Variants in ARL6 observed in about 807,000 individuals in gnomAD.
ARL6 encodes ARF like GTPase 6, also known as ADP-ribosylation factor-like protein 6.
ARL6 carries 18 observed loss-of-function variants against 27.1 expected under a neutral mutation model. The observed-to-expected ratio is 0.66, with a 90% CI of 0.46 to 0.98. The LOEUF (loss-of-function observed/expected upper bound fraction) is 0.98. Ranked by LOEUF, ARL6 falls within the 50% of genes least tolerant of loss-of-function variation. The pLI is 0.00. For missense variants in ARL6, 187 were observed against 214.9 expected (o/e 0.87, Z 0.81); for synonymous variants, 65 against 72.3 (o/e 0.90, Z 0.51).
At chr3:97,774,519 C>T (rs943673127) in intron 2 of ARL6, among the ~76,000 whole-genome samples, 2 of 151,986 alleles carry the variant, frequency 1.3e-5, no homozygotes, top group African/African-American at 4.8e-5. Flanking sequence ...GGGATGTTGC[C>T]ACTACTGGGA....
intron 6 of ARL6, among the ~76,000 whole-genome samples, chr3:97,789,133 C>T (rs2037601820): frequency 6.6e-6 from 1 of 152,080 alleles, no homozygotes; most frequent in African/African-American, 2.4e-5. Flanking sequence ...TGACACTTTC[C>T]AGTATTCAGA....
At chr3:97,771,816 A>G (rs1424884156) in intron 2 of ARL6, among the ~76,000 whole-genome samples, 1 of 152,128 alleles carries the variant, frequency 6.6e-6, no homozygotes, top group Non-Finnish European at 1.5e-5. Flanking sequence ...CCTTGATACT[A>G]TTAATCTTAT....
chr3:97,774,162 A>G (rs550037824), intron 2 of ARL6, among the ~76,000 whole-genome samples: 1 of 152,186 alleles, frequency 6.6e-6, no homozygotes, highest in East Asian at 1.9e-4. Context: ...TAGCTTGTTG[A>G]CTTAAAGGTA....
intron 2 of ARL6, among the ~76,000 whole-genome samples, chr3:97,774,364 G>GT (rs202022357): frequency 0.038 from 5,853 of 152,140 alleles, 208 homozygotes; most frequent in African/African-American, 0.095. Context: ...AGCAGGCGGG[G>GT]GTATTGAGGG....
intron 2 of ARL6, among the ~76,000 whole-genome samples, chr3:97,768,469 AC>A (rs1271820363): frequency 1.2e-4 from 19 of 152,104 alleles, no homozygotes; most frequent in Non-Finnish European, 2.6e-4. Flanking sequence ...TCACAGATTT[AC>A]TGAGTTTACT....
In ARL6 at chr3:97,773,338, A is replaced by C. The variant is rs1480133516; in HGVS notation, c.123+5108A>C. Among the ~76,000 whole-genome samples the C allele has an allele frequency of 2.6e-5, 4 of 152,190 alleles. No homozygotes were observed. The East Asian group carries it at 5.8e-4, about 22-fold the overall frequency. ...TGATTAGATGGTACTCAGCCAGATT[A>C]AGGGTGGTCTGTCTTTCCCAGCCCA... On this transcript the variant is annotated intron_variant, in intron 2 of 7. Coordinates refer to ENST00000463745, the MANE Select transcript of ARL6 (RefSeq NM_001278293.3).
Position 97,801,060 on chromosome 3 carries a change from TCTTG to T in ARL6, c.*3015_*3018del, listed in dbSNP as rs1290416741. 1 of 152,202 alleles carries T rather than the reference TCTTG, an allele frequency of 6.6e-6. No individual in the cohort carries two copies. The highest frequency in any genetic ancestry group is 1.5e-5 in the Non-Finnish European group (1 of 68,042). 9.4% of individuals were successfully genotyped at this position (152,202 alleles called of 1,614,324 possible). A position where few individuals can be genotyped will look rare whatever the true frequency, so the allele number is the denominator to read the frequency against. Reference sequence around the variant, plus strand: ...AGTTGCAATACTTAAGGCAAATTCATCTTGCTTATAACTCTGGTGCATGTGCATT... The same window carrying T: ...AGTTGCAATACTTAAGGCAAATTCATCTTATAACTCTGGTGCATGTGCATT... On this transcript the variant is annotated 3_prime_UTR_variant, in exon 8 of 8. Coordinates refer to ENST00000463745, the MANE Select transcript of ARL6 (RefSeq NM_001278293.3).
chr3:97,772,619 C>CTTTTT lies in ARL6; in HGVS notation c.123+4404_123+4408dup, dbSNP rs571939797. ...CATTGGGTTATTTGAAGGCTTGTTA[C>CTTTTT]TTTTTTTTTTTTTTTTTTTGAGATG... is the stretch of plus-strand genomic sequence containing the variant. On this transcript the variant is annotated intron_variant, in intron 2 of 7. Coordinates refer to ENST00000463745, the MANE Select transcript of ARL6 (RefSeq NM_001278293.3). Among the ~76,000 whole-genome samples the CTTTTT allele has an allele frequency of 1.5e-4, 19 of 124,388 alleles. No individual in the cohort carries two copies. The South Asian group carries it at 4.7e-3, about 31-fold the overall frequency. 81.6% of individuals were successfully genotyped at this position (124,388 alleles called of 152,430 possible). A position where few individuals can be genotyped will look rare whatever the true frequency, so the allele number is the denominator to read the frequency against.
At chr3:97,791,747 T>C (rs770906725) in intron 6 of ARL6, 24 bp from the exon 7 acceptor site, 9 of 1,610,902 alleles carry the variant, frequency 5.6e-6, no homozygotes, top group Admixed American at 1.7e-5. Context: ...GAGATGGCTA[T>C]GTTTCTTATG....
intron 6 of ARL6, among the ~76,000 whole-genome samples, chr3:97,789,546 G>GA (rs1245042153): frequency 1.3e-5 from 2 of 152,038 alleles, no homozygotes; most frequent in East Asian, 1.9e-4. Context: ...TTCTCTGTGA[G>GA]AAAAAAAGTA....
chr3:97,788,190 A>T, intron 6 of ARL6, 71 bp downstream of exon 6: 1 of 1,503,760 alleles, frequency 6.6e-7, no homozygotes, highest in Non-Finnish European at 9.1e-7. Flanking sequence ...GTTTCTTCTG[A>T]TCTCATTTTT....
rs1484129083 is a variant in ARL6, at chr3:97,800,373, A to T, written c.*2324A>T. 6.6e-6 allele frequency: 1 copy of T among 152,164 alleles called. No individual in the cohort carries two copies. Among genetic ancestry groups the T allele is most frequent in the East Asian group, 1.9e-4 (1 of 5,202 alleles). The allele number at this position is 152,164 out of a possible 1,614,324, so 9.4% of individuals were successfully genotyped here. A position where few individuals can be genotyped will look rare whatever the true frequency, so the allele number is the denominator to read the frequency against. On this transcript the variant is annotated 3_prime_UTR_variant, in exon 8 of 8. Coordinates refer to ENST00000463745, the MANE Select transcript of ARL6 (RefSeq NM_001278293.3). ...AAATGTATTTTATTAAACCTGAAGC[A>T]AGTTTTCTTTCATGTCTAGACATCA...
chr3:97,788,176 A>T, intron 6 of ARL6, 57 bp downstream of exon 6: 1 of 1,560,674 alleles, frequency 6.4e-7, no homozygotes, highest in Non-Finnish European at 8.8e-7. Flanking sequence ...CAAGCTTCAG[A>T]GTTGTTTCTT....
At chr3:97,766,947 A>G (rs1233582364) in intron 1 of ARL6, among the ~76,000 whole-genome samples, 1 of 151,660 alleles carries the variant, frequency 6.6e-6, no homozygotes, top group African/African-American at 2.4e-5. Flanking sequence ...TTGGGGAGCA[A>G]TGGACCCAAA....
chr3:97,788,477 C>T (rs968625817), intron 6 of ARL6, among the ~76,000 whole-genome samples: 49 of 152,040 alleles, frequency 3.2e-4, no homozygotes, highest in African/African-American at 1.1e-3. Context: ...GAATCATTTT[C>T]CAAAATAATT....
At chr3:97,764,611 G>A (rs1186202347), upstream of ARL6, 1 of 152,300 alleles carries the variant, frequency 6.6e-6, no homozygotes, top group Non-Finnish European at 1.5e-5. Flanking sequence ...TTTCTTCAAT[G>A]TATAGTTCCT....
chr3:97,774,383 G>C (rs2036794310), intron 2 of ARL6, among the ~76,000 whole-genome samples: 1 of 148,984 alleles, frequency 6.7e-6, no homozygotes, highest in Non-Finnish European at 1.5e-5. Context: ...GGTGACTCTT[G>C]AGGAGAATCA....
chr3:97,788,227 C>A, intron 6 of ARL6, 108 bp downstream of exon 6: 1 of 1,141,956 alleles, frequency 8.8e-7, no homozygotes. Flanking sequence ...AACATGGTGG[C>A]ATATAAGCTA....
chr3:97,790,601 G>C (rs879777878), intron 6 of ARL6, among the ~76,000 whole-genome samples: 2 of 152,076 alleles, frequency 1.3e-5, no homozygotes, highest in Admixed American at 1.3e-4. Context: ...AACTATAGGT[G>C]TATGATAAAA....
Sources: gnomAD v4.1 joint callset for allele counts (sites outside exome capture counted in the v4.1 genomes callset) on GRCh38, gnomAD v4.1.1 for gene constraint, MANE v1.5 for transcripts, NCBI Gene and HGNC (gene_info 2026-07-23, HGNC 2026-07-21) for gene names.